CRTAC1: variants seen among roughly 807,000 people sequenced by gnomAD.
The protein encoded by CRTAC1 is acidic secreted protein in cartilage.
In CRTAC1, 37 loss-of-function variants were observed where a neutral mutation model predicts 67.8. The ratio of observed to expected loss-of-function variants is 0.55; its 90% CI spans 0.42 to 0.72. CRTAC1 has a LOEUF of 0.72. CRTAC1 is among the 30% of genes least tolerant of loss of function. The pLI, the probability that CRTAC1 is intolerant of heterozygous loss-of-function variation, is 0.00. For missense variants in CRTAC1, 780 were observed against 931.6 expected (o/e 0.84, Z 2.12); for synonymous variants, 348 against 371.0 (o/e 0.94, Z 0.71).
At chr10:97,901,770 C>G (rs900472316) in intron 7 of CRTAC1, 131 bp from the exon 8 acceptor site, 1 of 1,090,848 alleles carries the variant, frequency 9.2e-7, no homozygotes, top group Non-Finnish European at 1.3e-6. Context: ...TCCTGCCTCC[C>G]GCAAAGGACC....
At chr10:97,884,574 TGC>T in intron 11 of CRTAC1, 2 of 571,102 alleles carry the variant, frequency 3.5e-6, no homozygotes, top group Non-Finnish European at 6.2e-6. Flanking sequence ...CCTGCATCTG[TGC>T]TGTCCAGTAC....
intron 2 of CRTAC1, among the ~76,000 whole-genome samples, chr10:97,974,946 G>T (rs2051774112): frequency 6.6e-6 from 1 of 152,122 alleles, no homozygotes; most frequent in Admixed American, 6.5e-5. Context: ...AGGGGAGGCG[G>T]GCAGAGGGAG....
At chr10:97,948,585 A>G (rs1382141806) in intron 2 of CRTAC1, among the ~76,000 whole-genome samples, 1 of 152,214 alleles carries the variant, frequency 6.6e-6, no homozygotes, top group African/African-American at 2.4e-5. Context: ...CAGGGTGTGC[A>G]GTAGGTCAGC....
rs531270220 is a variant in CRTAC1, at chr10:97,973,541, C to G, written c.225-37175G>C. ...TTCCAAAGCACTTGTTGCCTGACCT[C>G]GAAAATCGAACTTCCTCCCCTTCCC... On this transcript the variant is annotated intron_variant, in intron 2 of 14. Transcript: ENST00000370597. 1.3e-5 allele frequency among the ~76,000 whole-genome samples: 2 copies of G among 152,144 alleles called. 1 individual carries two copies. Among genetic ancestry groups the G allele is most frequent in the South Asian group, 4.1e-4 (2 of 4,828 alleles).
intron 3 of CRTAC1, among the ~76,000 whole-genome samples, chr10:97,932,511 A>G (rs2051017787): frequency 6.6e-6 from 1 of 152,186 alleles, no homozygotes; most frequent in South Asian, 2.1e-4. Flanking sequence ...AGGAAAATAA[A>G]GCCAGTTAAG....
At chr10:97,899,709 C>T (rs1041731025) in intron 8 of CRTAC1, among the ~76,000 whole-genome samples, 33 of 152,184 alleles carry the variant, frequency 2.2e-4, no homozygotes, top group African/African-American at 7.2e-4. Flanking sequence ...TTTTAAAACA[C>T]GCTTAGTCAC....
chr10:97,921,062 CA>C (rs2050829901), intron 4 of CRTAC1, among the ~76,000 whole-genome samples: 1 of 152,010 alleles, frequency 6.6e-6, no homozygotes, highest in Non-Finnish European at 1.5e-5. Flanking sequence ...ATTTATGGAG[CA>C]AAAGGTCTCA....
intron 2 of CRTAC1, among the ~76,000 whole-genome samples, chr10:97,960,982 T>C (rs2051516189): frequency 6.6e-6 from 1 of 152,256 alleles, no homozygotes; most frequent in South Asian, 2.1e-4. Context: ...CCACTCTTTT[T>C]TTCTTCATGT....
chr10:97,978,153 A>C (rs2051836585), intron 2 of CRTAC1, among the ~76,000 whole-genome samples: 3 of 152,144 alleles, frequency 2.0e-5, no homozygotes, highest in African/African-American at 7.2e-5. Flanking sequence ...TTGCTACGCA[A>C]AGTGTGGCCC....
chr10:97,901,767 TC>T lies in CRTAC1; in HGVS notation c.997-129del, dbSNP rs1041994779. 8.2e-5 allele frequency: 94 copies of T among 1,152,456 alleles called. No homozygotes were observed. The African/African-American group carries it at 1.2e-3, about 15-fold the overall frequency. 71.4% of individuals were successfully genotyped at this position (1,152,456 alleles called of 1,614,324 possible). A position where few individuals can be genotyped will look rare whatever the true frequency, so the allele number is the denominator to read the frequency against. On this transcript the variant is annotated intron_variant, in intron 7 of 14. Coordinates refer to ENST00000370597, the MANE Select transcript of CRTAC1 (RefSeq NM_018058.7). ...CCAACCCAAAAGCTCCTCTCCTGCC[TC>T]CCGCAAAGGACCTGGGGGCTGCCTT...
intron 1 of CRTAC1, among the ~76,000 whole-genome samples, chr10:98,019,775 G>A (rs2136703937): frequency 6.6e-6 from 1 of 152,324 alleles, no homozygotes; most frequent in South Asian, 2.1e-4. Flanking sequence ...CAGGGATAAG[G>A]TGTCAGCAAG....
chr10:97,895,304 A>G lies in CRTAC1; in HGVS notation c.1427T>C (p.Ile476Thr), dbSNP rs1590189756. The change falls in exon 11 of 15, where the codon ATC becomes ACC. Residue 476 changes from isoleucine (I) to threonine (T), a missense_variant. Coordinates refer to ENST00000370597, the MANE Select transcript of CRTAC1 (RefSeq NM_018058.7). The surrounding 1 kb of genome is among the most constrained non-coding windows in gnomAD (Gnocchi z 4.2). Reference protein sequence around the residue: ...YTKKSGAHLRIIDGGSGYLCE... With the variant: ...YTKKSGAHLRTIDGGSGYLCE... Reference sequence around the variant, plus strand: ...CAGGTAGCCTGAGCCCCCGTCGATGATCCTCAGGTGGGCCCCACTCTTCTT... The same window carrying G: ...CAGGTAGCCTGAGCCCCCGTCGATGGTCCTCAGGTGGGCCCCACTCTTCTT... The G allele has an allele frequency of 6.2e-7, 1 of 1,613,558 alleles. No individual in the cohort carries two copies. Among genetic ancestry groups the G allele is most frequent in the Non-Finnish European group, 8.5e-7 (1 of 1,179,922 alleles).
intron 2 of CRTAC1, among the ~76,000 whole-genome samples, chr10:97,988,041 G>C (rs551211610): frequency 6.6e-6 from 1 of 152,298 alleles, no homozygotes; most frequent in African/African-American, 2.4e-5. Flanking sequence ...TATGGAGAAA[G>C]ATGCTCTGAA....
chr10:97,943,141 C>A (rs1416258665), intron 2 of CRTAC1, among the ~76,000 whole-genome samples: 2 of 151,154 alleles, frequency 1.3e-5, no homozygotes, highest in African/African-American at 4.9e-5. Context: ...AGAGTCAGGG[C>A]AGAAAGAAGA....
intron 2 of CRTAC1, among the ~76,000 whole-genome samples, chr10:98,005,100 A>ATATATATATATATTTTTTTTTT: frequency 2.0e-5 from 1 of 48,926 alleles, no homozygotes; most frequent in African/African-American, 1.2e-4. Flanking sequence ...ATATATATAT[A>ATATATATATATATTTTTTTTTT]TTTTTTTTTT....
chr10:98,006,419 CAG>C (rs1842791513), intron 2 of CRTAC1, among the ~76,000 whole-genome samples: 1 of 152,166 alleles, frequency 6.6e-6, no homozygotes, highest in Non-Finnish European at 1.5e-5. Context: ...GGCACTCGCC[CAG>C]ATGTGCAGAG....
intron 2 of CRTAC1, among the ~76,000 whole-genome samples, chr10:97,952,127 C>T (rs1382721492): frequency 6.6e-6 from 1 of 151,994 alleles, no homozygotes; most frequent in Non-Finnish European, 1.5e-5. Context: ...CCGAGGCGGG[C>T]AGATCACAAG....
rs2051787683 is a variant in CRTAC1, at chr10:97,975,633, A to G, written c.224+35505T>C. 6.6e-6 allele frequency among the ~76,000 whole-genome samples: 1 copy of G among 151,190 alleles called. No individual in the cohort carries two copies. Among genetic ancestry groups the G allele is most frequent in the Non-Finnish European group, 1.5e-5 (1 of 67,720 alleles). On this transcript the variant is annotated intron_variant, in intron 2 of 14. Coordinates refer to ENST00000370597, the MANE Select transcript of CRTAC1 (RefSeq NM_018058.7). This position sits in a 1 kb window ranked among gnomAD's most constrained non-coding sequence, Gnocchi z 4.8. The stretch of plus-strand genomic sequence containing the variant: ...AGTCTTCTGCATAGTTCTAAGATGG[A>G]CTCTCCCTGTGAATGACAAAAAGGC...
At chr10:98,002,070 C>T (rs1842698916) in intron 2 of CRTAC1, among the ~76,000 whole-genome samples, 1 of 152,196 alleles carries the variant, frequency 6.6e-6, no homozygotes, top group Non-Finnish European at 1.5e-5. Context: ...AGGCCTGGGC[C>T]TCTGCAGCCT....
Sources: gnomAD v4.1 joint callset for allele counts (sites outside exome capture counted in the v4.1 genomes callset) on GRCh38, gnomAD v4.1.1 for gene constraint, Gnocchi (gnomAD v3.1) non-coding constraint, MANE v1.5 for transcripts, NCBI Gene and HGNC (gene_info 2026-07-23, HGNC 2026-07-21) for gene names.